The following GLCCI1 variants were observed in gnomAD, a reference collection of about 807,000 sequenced individuals.
The protein encoded by GLCCI1 is glucocorticoid induced 1, also known as glucocorticoid-induced transcript 1 protein.
GLCCI1 carries 24 observed loss-of-function variants against 52.2 expected under a neutral mutation model. The ratio of observed to expected loss-of-function variants is 0.46; its 90% confidence interval spans 0.33 to 0.65. GLCCI1 has a LOEUF of 0.65. GLCCI1 is among the 30% of genes least tolerant of loss of function. The pLI is 0.02. For synonymous variants in GLCCI1, 310 were observed against 276.5 expected, an observed-to-expected ratio of 1.12 and a Z score of -1.20; for missense variants, 704 against 701.5, an observed-to-expected ratio of 1.00 and a Z score of -0.04.
At chr7:8,025,354 AT>A (rs1431324805) in intron 3 of GLCCI1, among the ~76,000 whole-genome samples, 1 of 152,234 alleles carries the variant, frequency 6.6e-6, no homozygotes, top group Non-Finnish European at 1.5e-5. Context: ...AAAATAAAAA[AT>A]AATAAAAGAA....
Position 8,036,645 on chromosome 7 carries a change from C to T in GLCCI1, c.696+14076C>T, listed in dbSNP as rs186999194. ...CCCAAGAGAAAGTTCAAAAACAATA[C>T]AAAGAAATCAGAAAAACAATTTAAG... is the stretch of plus-strand genomic sequence containing the variant. On this transcript the variant is annotated intron_variant, in intron 3 of 7. Transcript: ENST00000223145. 2.6e-5 allele frequency among the ~76,000 whole-genome samples: 4 copies of T among 152,098 alleles called. No homozygotes were observed. In the East Asian group the frequency reaches 7.7e-4, roughly 29 times the overall value.
At chr7:8,017,463 A>C (rs191672798) in intron 2 of GLCCI1, among the ~76,000 whole-genome samples, 6 of 152,298 alleles carry the variant, frequency 3.9e-5, no homozygotes, top group Admixed American at 2.0e-4. Flanking sequence ...AAGGTTGCTT[A>C]AAAAATAAGA....
intron 2 of GLCCI1, among the ~76,000 whole-genome samples, chr7:8,017,895 G>T (rs2127947164): frequency 1.3e-5 from 2 of 152,162 alleles, no homozygotes; most frequent in Middle Eastern, 6.8e-3. Context: ...ACTTCATCAG[G>T]ATAGACTTTT....
intron 1 of GLCCI1, chr7:7,981,010 G>T: frequency 2.0e-6 from 1 of 507,134 alleles, no homozygotes; most frequent in East Asian, 4.9e-5. Flanking sequence ...AAGGTCAGCC[G>T]AAGAAGTAGA....
At chr7:7,998,070 C>T (rs1285142956) in intron 1 of GLCCI1, among the ~76,000 whole-genome samples, 1 of 151,400 alleles carries the variant, frequency 6.6e-6, no homozygotes, top group Non-Finnish European at 1.5e-5. Context: ...CTACATTTAA[C>T]ATATATTAGA....
chr7:8,030,764 G>T (rs185998635), intron 3 of GLCCI1, among the ~76,000 whole-genome samples: 7 of 152,178 alleles, frequency 4.6e-5, no homozygotes, highest in Non-Finnish European at 8.8e-5. Context: ...CATAGACGTG[G>T]AAAACAGGCA....
intron 2 of GLCCI1, among the ~76,000 whole-genome samples, chr7:8,011,392 T>C (rs1278206686): frequency 6.6e-6 from 1 of 152,182 alleles, no homozygotes; most frequent in African/African-American, 2.4e-5. Flanking sequence ...AAGAAAATCA[T>C]ACAGTATTTT....
At chr7:8,076,250 T>A (rs1782875265) in intron 6 of GLCCI1, among the ~76,000 whole-genome samples, 1 of 152,178 alleles carries the variant, frequency 6.6e-6, no homozygotes, top group African/African-American at 2.4e-5. Flanking sequence ...GTATACTACT[T>A]AGAGCTACCA....
chr7:8,041,746 ACACCCAG>A (rs1388223674), intron 3 of GLCCI1, among the ~76,000 whole-genome samples: 3 of 152,102 alleles, frequency 2.0e-5, no homozygotes, highest in Non-Finnish European at 4.4e-5. Flanking sequence ...ATACACCACC[ACACCCAG>A]CTAATTGTTT....
intron 1 of GLCCI1, among the ~76,000 whole-genome samples, chr7:7,984,970 G>A (rs577631657): frequency 6.6e-6 from 1 of 152,218 alleles, no homozygotes; most frequent in Non-Finnish European, 1.5e-5. Flanking sequence ...ATTTAAAAAA[G>A]TATTACTTTA....
At chr7:8,040,591 C>G (rs1781976816) in intron 3 of GLCCI1, among the ~76,000 whole-genome samples, 1 of 151,042 alleles carries the variant, frequency 6.6e-6, no homozygotes, top group Admixed American at 6.6e-5. Context: ...GGATTAATTG[C>G]AAGCATTGGT....
intron 1 of GLCCI1, among the ~76,000 whole-genome samples, chr7:7,998,130 A>G (rs1162852740): frequency 6.8e-6 from 1 of 146,732 alleles, no homozygotes; most frequent in Non-Finnish European, 1.5e-5. Flanking sequence ...AAGAGAACCT[A>G]CTTTGTTTTT....
At chr7:7,979,345 A>G (rs1411751884) in intron 1 of GLCCI1, among the ~76,000 whole-genome samples, 5 of 151,922 alleles carry the variant, frequency 3.3e-5, no homozygotes, top group African/African-American at 1.2e-4. Flanking sequence ...TAGTGGGTCA[A>G]ATTCTTAGCA....
intron 3 of GLCCI1, among the ~76,000 whole-genome samples, chr7:8,050,498 G>A (rs1473471099): frequency 6.6e-6 from 1 of 152,052 alleles, no homozygotes; most frequent in Non-Finnish European, 1.5e-5. Flanking sequence ...TGGGACATGT[G>A]ATCTTTATAA....
chr7:8,068,366 A>G (rs907935472), intron 5 of GLCCI1, among the ~76,000 whole-genome samples: 1 of 152,132 alleles, frequency 6.6e-6, no homozygotes, highest in Non-Finnish European at 1.5e-5. Flanking sequence ...GAAAAAAAAA[A>G]TTTCGTCTTA....
intron 3 of GLCCI1, among the ~76,000 whole-genome samples, chr7:8,044,082 C>T (rs912904685): frequency 1.3e-5 from 2 of 151,942 alleles, no homozygotes. Flanking sequence ...GTAGCTGGGA[C>T]TACAGGCGCC....
At chr7:8,080,738 A>AT (rs771060203) in intron 6 of GLCCI1, among the ~76,000 whole-genome samples, 21 of 151,998 alleles carry the variant, frequency 1.4e-4, no homozygotes, top group Non-Finnish European at 2.9e-4. Context: ...TAATTTTCAA[A>AT]TTAGAAATGA....
At chr7:8,036,224 G>A (rs1781865904) in intron 3 of GLCCI1, among the ~76,000 whole-genome samples, 1 of 152,178 alleles carries the variant, frequency 6.6e-6, no homozygotes, top group African/African-American at 2.4e-5. Context: ...AAGAGGCAGT[G>A]AGTTTGTTCA....
At chr7:8,046,238 C>A (rs1782123280) in intron 3 of GLCCI1, among the ~76,000 whole-genome samples, 2 of 152,104 alleles carry the variant, frequency 1.3e-5, no homozygotes. Flanking sequence ...AGGTTTAAAA[C>A]ATGAAAGAGA....
Sources: allele counts gnomAD v4.1 joint callset (sites outside exome capture counted in the v4.1 genomes callset), GRCh38; gene constraint gnomAD v4.1.1; transcripts MANE v1.5; gene names NCBI Gene and HGNC (gene_info 2026-07-23, HGNC 2026-07-21).